The following LARP4B variants were observed in gnomAD, a reference collection of about 807,000 sequenced individuals.
The protein encoded by LARP4B is La ribonucleoprotein 4B.
In LARP4B, 12 loss-of-function variants were observed where a neutral mutation model predicts 89.8. The ratio of observed to expected loss-of-function variants is 0.13; its 90% CI spans 0.09 to 0.22. The LOEUF (loss-of-function observed/expected upper bound fraction) is 0.22, where lower values mean the gene tolerates loss of function less well. LARP4B is among the 10% of genes least tolerant of loss of function. The pLI is 1.00. For synonymous variants in LARP4B, 367 were observed against 363.3 expected (o/e 1.01, Z -0.12); for missense variants, 757 against 947.7 (o/e 0.80, Z 2.64).
intron 1 of LARP4B, among the ~76,000 whole-genome samples, chr10:891,078 T>TA (rs1351104126): frequency 6.6e-6 from 1 of 152,052 alleles, no homozygotes; most frequent in Non-Finnish European, 1.5e-5. Flanking sequence ...TGTATTTTTT[T>TA]AGACAATTGG....
chr10:904,337 T>C (rs1836428112), intron 1 of LARP4B, among the ~76,000 whole-genome samples: 1 of 152,130 alleles, frequency 6.6e-6, no homozygotes, highest in Non-Finnish European at 1.5e-5. Context: ...GGAGATCACT[T>C]GAGCTCAGGA....
chr10:888,244 T>C (rs1396744441), intron 1 of LARP4B, among the ~76,000 whole-genome samples: 1 of 151,334 alleles, frequency 6.6e-6, no homozygotes, highest in Non-Finnish European at 1.5e-5. Context: ...TGTTTGAACT[T>C]GAGAGAGACA....
rs1047323253 is a variant in LARP4B, at chr10:814,218, G to T, written c.1929+524C>A. Among the ~76,000 whole-genome samples the T allele has an allele frequency of 1.3e-5, 2 of 151,962 alleles. No homozygotes were observed. The highest frequency in any genetic ancestry group is 2.9e-5 in the Non-Finnish European group (2 of 67,990). On this transcript the variant is annotated intron_variant, in intron 17 of 17. Transcript: ENST00000316157. This position sits in a 1 kb window ranked among gnomAD's most constrained non-coding sequence, Gnocchi z 4.4. ...TTAAACTCCCAAATTCAAGGAAAAGGCTCCCCCAAGATCAAACTACAGAGG... is the reference window on the plus strand; with the variant it reads ...TTAAACTCCCAAATTCAAGGAAAAGTCTCCCCCAAGATCAAACTACAGAGG...
intron 2 of LARP4B, among the ~76,000 whole-genome samples, chr10:885,334 C>CAA (rs377667511): frequency 6.8e-6 from 1 of 147,540 alleles, no homozygotes; most frequent in African/African-American, 2.5e-5. Context: ...TTAGACTTCG[C>CAA]AAAAAAAAAA....
At chr10:957,879 C>T in the LARP4B span, among the ~76,000 whole-genome samples, 1 of 150,492 alleles carries the variant, frequency 6.6e-6, no homozygotes, top group African/African-American at 2.5e-5. Flanking sequence ...TCACTGCAAC[C>T]TCTGCCTCCC....
the LARP4B span, among the ~76,000 whole-genome samples, chr10:944,670 GC>G: frequency 6.6e-5 from 10 of 152,254 alleles, no homozygotes; most frequent in African/African-American, 1.9e-4. Context: ...TCTGGGCGTT[GC>G]CCCCGCCCTG....
At chr10:869,271 A>G (rs1835070581) in intron 3 of LARP4B, among the ~76,000 whole-genome samples, 1 of 152,230 alleles carries the variant, frequency 6.6e-6, no homozygotes, top group Non-Finnish European at 1.5e-5. Flanking sequence ...AGTGTGACTT[A>G]TACCTTCAAT....
intron 3 of LARP4B, chr10:872,958 C>A: frequency 1.1e-6 from 1 of 920,426 alleles, no homozygotes; most frequent in Non-Finnish European, 1.3e-6. Flanking sequence ...CGCGCGCTAA[C>A]GCCAGCTACA....
intron 1 of LARP4B, among the ~76,000 whole-genome samples, chr10:926,765 A>G (rs1162690157): frequency 6.6e-6 from 1 of 152,214 alleles, no homozygotes; most frequent in Non-Finnish European, 1.5e-5. Context: ...GGCCGGGCGC[A>G]GTGGCTCACG....
At chr10:848,687 A>T (rs1833896433) in intron 5 of LARP4B, among the ~76,000 whole-genome samples, 1 of 152,230 alleles carries the variant, frequency 6.6e-6, no homozygotes, top group Non-Finnish European at 1.5e-5. Context: ...AGACACAGTA[A>T]CAGAAGCTTC....
chr10:825,156 G>T lies in LARP4B; in HGVS notation c.1393C>A (p.Gln465Lys). 6.2e-7 allele frequency: 1 copy of T among 1,614,186 alleles called. No individual in the cohort carries two copies. Residue 465 changes from glutamine (Q) to lysine (K), a missense_variant, in exon 13 of 18, where the codon CAA becomes AAA. Gln to Lys is a moderately conservative substitution (Grantham distance 53). Around this residue, in one of 5 missense-constraint regions of LARP4B, gnomAD observed 387 missense variants for 423.6 expected, o/e 0.91. Coordinates refer to ENST00000316157, the MANE Select transcript of LARP4B (RefSeq NM_015155.3). The stretch of plus-strand genomic sequence containing the variant: ...CTCTTGGCATATGCTGAAGGGTTTT[G>T]AATCCGTGTTCTAGTTTGACCTGCT... ...RQAGQTRTRI[Q>K]NPSAYAKREA...
intron 11 of LARP4B, 105 bp from the exon 12 acceptor site, chr10:825,975 A>G (rs1264232261): frequency 9.1e-6 from 7 of 766,208 alleles, no homozygotes; most frequent in Non-Finnish European, 1.5e-5. Context: ...TGATGTTGTC[A>G]GAGTCATGAC....
chr10:850,089 G>A (rs112502671), intron 5 of LARP4B, among the ~76,000 whole-genome samples: 14 of 152,262 alleles, frequency 9.2e-5, no homozygotes, highest in East Asian at 1.9e-4. Context: ...GCAAGATGTC[G>A]GTAATAGGAA....
intron 5 of LARP4B, among the ~76,000 whole-genome samples, chr10:849,628 G>A (rs988201863): frequency 5.3e-5 from 8 of 152,202 alleles, no homozygotes; most frequent in Non-Finnish European, 1.0e-4. Flanking sequence ...TGGGCTGTAC[G>A]CAGCGACTTC....
chr10:914,962 T>C (rs1836780448), intron 1 of LARP4B, among the ~76,000 whole-genome samples: 1 of 152,188 alleles, frequency 6.6e-6, no homozygotes, highest in Non-Finnish European at 1.5e-5. Context: ...GAGAATTATT[T>C]AGTTTTGCTA....
chr10:867,491 G>T (rs1018180892), intron 3 of LARP4B, among the ~76,000 whole-genome samples: 1 of 152,148 alleles, frequency 6.6e-6, no homozygotes, highest in Non-Finnish European at 1.5e-5. Flanking sequence ...ATTAAACAAA[G>T]ATCTGAATCT....
chr10:842,031 C>T (rs568821582), intron 7 of LARP4B, among the ~76,000 whole-genome samples: 255 of 150,810 alleles, frequency 1.7e-3, no homozygotes, highest in African/African-American at 5.4e-3. Context: ...CCAGGGACAA[C>T]GTGAAAACCC....
At chr10:905,873 C>G (rs975995966) in intron 1 of LARP4B, among the ~76,000 whole-genome samples, 1 of 152,182 alleles carries the variant, frequency 6.6e-6, no homozygotes, top group African/African-American at 2.4e-5. Context: ...TCTCACAGCA[C>G]AGTGGAACAG....
At chr10:921,847 A>G (rs1836989204) in intron 1 of LARP4B, among the ~76,000 whole-genome samples, 2 of 152,248 alleles carry the variant, frequency 1.3e-5, no homozygotes, top group South Asian at 4.1e-4. Flanking sequence ...AGAAATGGGA[A>G]GAGCAGGGAA....
Sources: allele counts gnomAD v4.1 joint callset (sites outside exome capture counted in the v4.1 genomes callset), GRCh38; gene constraint gnomAD v4.1.1; regional missense constraint gnomAD v4.1.1; non-coding constraint Gnocchi (gnomAD v3.1); transcripts MANE v1.5; gene names NCBI Gene and HGNC (gene_info 2026-07-23, HGNC 2026-07-21).